MTA1: variants seen among roughly 807,000 people sequenced by gnomAD.
MTA1 encodes metastasis associated 1, also known as metastasis-associated protein MTA1.
A neutral mutation model predicts 97.0 loss-of-function variants in MTA1; 15 were observed. The ratio of observed to expected loss-of-function variants is 0.15; its 90% confidence interval spans 0.10 to 0.24. The LOEUF (loss-of-function observed/expected upper bound fraction) is 0.24, where lower values mean the gene tolerates loss of function less well. MTA1 is among the 10% of genes least tolerant of loss of function. The pLI, the probability that MTA1 is intolerant of heterozygous loss-of-function variation, is 1.00. For missense variants in MTA1, 709 were observed against 1,015.1 expected, an observed-to-expected ratio of 0.70 and a Z score of 4.10; for synonymous variants, 435 against 417.5, an observed-to-expected ratio of 1.04 and a Z score of -0.51.
rs958499270 is a variant in MTA1, at chr14:105,466,669, C to A, written c.1778-38C>A. 3.7e-6 allele frequency: 6 copies of A among 1,603,534 alleles called. No individual in the cohort carries two copies. The African/African-American group carries it at 6.7e-5, about 18-fold the overall frequency. ...CGGGCACCCGCCGTGCGTGCTGACG[C>A]TGTCTTCTCTCCCTCTCTCCCACCC... On this transcript the variant is annotated intron_variant, in intron 17 of 20. Transcript: ENST00000331320.
At position 105,450,066 on chromosome 14, in the gene MTA1, G is replaced by A; in HGVS notation, c.250G>A (p.Glu84Lys). The A allele has an allele frequency of 6.2e-7, 1 of 1,613,546 alleles. No homozygotes were observed. The highest frequency in any genetic ancestry group is 8.5e-7 in the Non-Finnish European group (1 of 1,179,872). ...GADNGEEGEI[E>K]EEMENPEMVD... ...GGCTCCTTGTCCTTCAGGGGAAATA[G>A]AAGAGGAAATGGAGAACCCGGAAAT... Residue 84 changes from glutamate to lysine, a missense_variant, in exon 5 of 21, where the codon GAA becomes AAA. Physicochemically the swap from Glu to Lys is moderately conservative, Grantham distance 56. This residue lies in a region of MTA1 where 321 missense variants were observed against 593.5 expected (regional missense o/e 0.54). Coordinates refer to ENST00000331320, the MANE Select transcript of MTA1 (RefSeq NM_004689.4).
chr14:105,468,219 G>A (rs1395998216), intron 18 of MTA1: 52 of 1,088,272 alleles, frequency 4.8e-5, no homozygotes, highest in Middle Eastern at 2.4e-4. Context: ...GCTCTAACCC[G>A]GCCATTTGCC....
At chr14:105,426,318 G>A (rs1016669252) in intron 1 of MTA1, among the ~76,000 whole-genome samples, 2 of 145,746 alleles carry the variant, frequency 1.4e-5, no homozygotes, top group African/African-American at 5.1e-5. Context: ...ATGTTGCAGT[G>A]AGCCGAGATC....
At position 105,464,769 on chromosome 14, in the gene MTA1, G is replaced by C. The variant is rs979408160; in HGVS notation, c.1440G>C (p.Arg480=). The C allele has an allele frequency of 6.2e-7, 1 of 1,609,676 alleles. No homozygotes were observed. Among genetic ancestry groups the C allele is most frequent in the Non-Finnish European group, 8.5e-7 (1 of 1,177,564 alleles). The part of the protein sequence containing the change: ...AFYLHTTKLT[R]IARRLCREIL... The stretch of plus-strand genomic sequence containing the variant: ...ATCTGCACACGACGAAGCTGACGCG[G>C]ATCGCCCGGCGCCTGTGCCGTGAGA... The change falls in exon 15 of 21, where the codon CGG becomes CGC. Residue 480 remains arginine, a synonymous_variant. Coordinates refer to ENST00000331320, the MANE Select transcript of MTA1 (RefSeq NM_004689.4).
intron 8 of MTA1, 61 bp downstream of exon 8, chr14:105,458,433 C>T (rs1555430410): frequency 1.4e-6 from 2 of 1,469,146 alleles, no homozygotes; most frequent in African/African-American, 2.8e-5. Context: ...GTTCTCCCTT[C>T]CCTGTGGTGG....
intron 1 of MTA1, among the ~76,000 whole-genome samples, chr14:105,421,838 G>A (rs587660905): frequency 6.6e-6 from 1 of 152,312 alleles, no homozygotes; most frequent in East Asian, 1.9e-4. Flanking sequence ...GGGCTGCGCC[G>A]CCCTCCCCGA....
At position 105,460,845 on chromosome 14, in the gene MTA1, C is replaced by G. The variant is rs375678503; in HGVS notation, c.834C>G (p.Pro278=). 1.9e-6 allele frequency: 3 copies of G among 1,612,592 alleles called. No individual in the cohort carries two copies. The Admixed American group carries it at 5.0e-5, about 27-fold the overall frequency. The part of the protein sequence containing the change: ...AISALVPQGG[P]VLCRDEMEEW... ...CGGCGCTGGTGCCGCAGGGCGGGCC[C>G]GTGCTCTGCAGGGACGAGATGGAGG... Residue 278 remains proline (P), a synonymous_variant, in exon 10 of 21, where the codon CCC becomes CCG. Transcript: ENST00000331320.
At chr14:105,453,151 C>T (rs944969938) in intron 6 of MTA1, among the ~76,000 whole-genome samples, 1 of 152,256 alleles carries the variant, frequency 6.6e-6, no homozygotes, top group African/African-American at 2.4e-5. Context: ...AGCCTGGGGG[C>T]CCTGGTGTGA....
At chr14:105,466,664 T>C in intron 17 of MTA1, 43 bp from the exon 18 acceptor site, 1 of 1,602,664 alleles carries the variant, frequency 6.2e-7, no homozygotes, top group South Asian at 1.1e-5. Context: ...CCGTGCGTGC[T>C]GACGCTGTCT....
At chr14:105,462,181 T>G (rs2083383024) in intron 10 of MTA1, among the ~76,000 whole-genome samples, 1 of 152,342 alleles carries the variant, frequency 6.6e-6, no homozygotes, top group Non-Finnish European at 1.5e-5. Context: ...TTCGGGGCTG[T>G]GTCGAGGGAG....
At chr14:105,426,111 A>C (rs1555422185) in intron 1 of MTA1, among the ~76,000 whole-genome samples, 1 of 151,958 alleles carries the variant, frequency 6.6e-6, no homozygotes, top group Non-Finnish European at 1.5e-5. Flanking sequence ...TCAGGGCCTG[A>C]GCTCTGTGGG....
At chr14:105,467,662 C>T (rs1225610843) in intron 18 of MTA1, 2 of 363,532 alleles carry the variant, frequency 5.5e-6, no homozygotes, top group African/African-American at 4.3e-5. Context: ...GGCCCCAGCC[C>T]CAGCCCTCCT....
At chr14:105,442,357 G>A (rs782749311) in intron 2 of MTA1, among the ~76,000 whole-genome samples, 14 of 152,220 alleles carry the variant, frequency 9.2e-5, no homozygotes, top group Admixed American at 2.6e-4. Flanking sequence ...CGAGGGAGGC[G>A]CAGGTTCCTC....
intron 18 of MTA1, among the ~76,000 whole-genome samples, chr14:105,468,542 C>A (rs1344299797): frequency 2.6e-5 from 4 of 152,210 alleles, no homozygotes; most frequent in Non-Finnish European, 5.9e-5. Flanking sequence ...CCAGTTGGCC[C>A]CCAGGGGAGT....
intron 19 of MTA1, 47 bp from the exon 20 acceptor site, chr14:105,469,794 G>A: frequency 2.0e-6 from 3 of 1,488,546 alleles, no homozygotes. Context: ...AGGTTGAGGT[G>A]GAGCTGGCCC....
At chr14:105,427,230 G>A (rs2082039811) in intron 1 of MTA1, among the ~76,000 whole-genome samples, 1 of 152,262 alleles carries the variant, frequency 6.6e-6, no homozygotes, top group African/African-American at 2.4e-5. Context: ...GCTGCTAAAA[G>A]CCCAAGTTGC....
intron 1 of MTA1, among the ~76,000 whole-genome samples, chr14:105,433,210 T>TGTA (rs2082231627): frequency 6.6e-6 from 1 of 152,036 alleles, no homozygotes; most frequent in African/African-American, 2.4e-5. Context: ...GTGGGCGGTG[T>TGTA]GTAGGTCTAG....
intron 1 of MTA1, among the ~76,000 whole-genome samples, chr14:105,432,920 T>C (rs1470617893): frequency 6.6e-6 from 1 of 152,042 alleles, no homozygotes; most frequent in East Asian, 1.9e-4. Context: ...ACGTCGACAT[T>C]TCAAAATCCA....
chr14:105,469,015 G>C, intron 18 of MTA1: 1 of 357,110 alleles, frequency 2.8e-6, no homozygotes, highest in Admixed American at 3.6e-5. Flanking sequence ...GTTTCTGGCC[G>C]GGGCTGGCGG....
Sources: allele counts gnomAD v4.1 joint callset (sites outside exome capture counted in the v4.1 genomes callset), GRCh38; gene constraint gnomAD v4.1.1; regional missense constraint gnomAD v4.1.1; transcripts MANE v1.5; gene names NCBI Gene and HGNC (gene_info 2026-07-23, HGNC 2026-07-21).